DCAF1: variants seen among roughly 807,000 people sequenced by gnomAD.
The protein encoded by DCAF1 is DDB1- and CUL4-associated factor 1.
In DCAF1, 15 loss-of-function variants were observed where a neutral mutation model predicts 128.0. The ratio of observed to expected loss-of-function variants is 0.12; its 90% CI spans 0.08 to 0.18. DCAF1 has a LOEUF of 0.18. Among genes scored for constraint, DCAF1 ranks in the 10% least tolerant of loss-of-function variants. The probability of loss-of-function intolerance (pLI) is 1.00; values close to 1 mark genes in which losing one functional copy is unlikely to be tolerated. For missense variants in DCAF1, 988 were observed against 1,649.5 expected, an observed-to-expected ratio of 0.60 and a Z score of 6.95; for synonymous variants, 610 against 603.0, an observed-to-expected ratio of 1.01 and a Z score of -0.17.
intron 11 of DCAF1, 119 bp downstream of exon 11, chr3:51,429,914 G>T: frequency 1.7e-6 from 1 of 591,934 alleles, no homozygotes; most frequent in Non-Finnish European, 3.0e-6. Flanking sequence ...TTCACAAAAA[G>T]AATGGCAGCA....
At position 51,413,319 on chromosome 3, in the gene DCAF1, G is replaced by C; in HGVS notation, c.3999C>G (p.Ser1333=). 1.2e-6 allele frequency: 2 copies of C among 1,613,624 alleles called. No homozygotes were observed. Among genetic ancestry groups the C allele is most frequent in the Non-Finnish European group, 1.7e-6 (2 of 1,179,754 alleles). Residue 1333 remains serine, a synonymous_variant, in exon 21 of 25, where the codon TCC becomes TCG. Coordinates refer to ENST00000684031, the MANE Select transcript of DCAF1 (RefSeq NM_001387579.1). ...EERMKSPFGS[S]FRTFNATDYK... ...AGTCAGTTGCATTAAATGTTCGGAA[G>C]GATGACCCAAAGGGGCTTTTCATCC...
chr3:51,485,939 T>G (rs1706897764), intron 2 of DCAF1, among the ~76,000 whole-genome samples: 1 of 150,774 alleles, frequency 6.6e-6, no homozygotes, highest in Non-Finnish European at 1.5e-5. Flanking sequence ...GTCGCCAGGC[T>G]GGAGCGCAGT....
At chr3:51,442,695 G>A (rs191956501) in intron 7 of DCAF1, among the ~76,000 whole-genome samples, 23 of 151,182 alleles carry the variant, frequency 1.5e-4, no homozygotes, top group Middle Eastern at 3.4e-3. Context: ...GTGAAACTCC[G>A]TCTCAAAAAA....
At position 51,416,952 on chromosome 3, in the gene DCAF1, CA is replaced by C. The variant is rs1698939341; in HGVS notation, c.3519-82del. The C allele has an allele frequency of 5.9e-6, 9 of 1,534,794 alleles. No individual in the cohort carries two copies. In the Middle Eastern group the frequency reaches 1.5e-3, roughly 260 times the overall value. Reference sequence around the variant, plus strand: ...AACCAACTGAAACACAGGTGACCCCCAGCCTCTTGCACAATCACACTCACCT... The same window carrying C: ...AACCAACTGAAACACAGGTGACCCCCGCCTCTTGCACAATCACACTCACCT... On this transcript the variant is annotated intron_variant, in intron 17 of 24. Transcript: ENST00000684031.
chr3:51,434,616 A>G (rs1700657341), intron 9 of DCAF1, among the ~76,000 whole-genome samples: 1 of 152,234 alleles, frequency 6.6e-6, no homozygotes, highest in African/African-American at 2.4e-5. Context: ...TCAGTGAGTC[A>G]TCAACTAATG....
At chr3:51,490,165 C>T (rs1340274322) in intron 2 of DCAF1, among the ~76,000 whole-genome samples, 3 of 152,084 alleles carry the variant, frequency 2.0e-5, no homozygotes, top group Admixed American at 6.6e-5. Context: ...CTGTTAATCC[C>T]AGAACTTTAG....
At chr3:51,407,982 C>G (rs1553627196) in intron 23 of DCAF1, among the ~76,000 whole-genome samples, 2 of 2,134 alleles carry the variant, frequency 9.4e-4, no homozygotes, top group African/African-American at 1.8e-3. Context: ...GAGACTCCAT[C>G]TCAAAAAAAA....
chr3:51,407,796 T>C (rs1351135432), intron 23 of DCAF1, among the ~76,000 whole-genome samples: 1 of 152,010 alleles, frequency 6.6e-6, no homozygotes, highest in Non-Finnish European at 1.5e-5. Flanking sequence ...GAGATCAGCC[T>C]GGCTAACATG....
At chr3:51,409,601 G>A (rs1028931968) in intron 23 of DCAF1, among the ~76,000 whole-genome samples, 8 of 152,162 alleles carry the variant, frequency 5.3e-5, no homozygotes, top group African/African-American at 1.7e-4. Flanking sequence ...CTGATACTTG[G>A]TAGTGATGAA....
At chr3:51,504,106 C>T (rs1316502096), upstream of DCAF1, among the ~76,000 whole-genome samples, 1 of 150,114 alleles carries the variant, frequency 6.7e-6, no homozygotes, top group African/African-American at 2.5e-5. Context: ...GGCACAATCT[C>T]AGCTCACCGC....
intron 15 of DCAF1, among the ~76,000 whole-genome samples, 198 bp from the exon 16 acceptor site, chr3:51,419,074 G>A (rs1412723777): frequency 6.6e-6 from 1 of 152,066 alleles, no homozygotes; most frequent in Non-Finnish European, 1.5e-5. Flanking sequence ...AAATTCCCAT[G>A]TTTAGGCCAG....
intron 23 of DCAF1, among the ~76,000 whole-genome samples, chr3:51,410,069 C>T (rs1443577052): frequency 6.6e-6 from 1 of 152,220 alleles, no homozygotes; most frequent in Non-Finnish European, 1.5e-5. Flanking sequence ...CCTATAGAGC[C>T]CATATAGCTG....
chr3:51,433,244 G>C lies in DCAF1; in HGVS notation c.1149C>G (p.Leu383=), dbSNP rs1408443157. The change falls in exon 10 of 25, where the codon CTC becomes CTG. Residue 383 remains leucine, a synonymous_variant. Coordinates refer to ENST00000684031, the MANE Select transcript of DCAF1 (RefSeq NM_001387579.1). ...EALKHLASLL[L]HNKFATEFVA... ...CAAATTCTGTGGCAAATTTGTTATG[G>C]AGCAGGAGAGATGCTAGGTGCTAAA... 3 of 398,294 alleles carry C rather than the reference G, an allele frequency of 7.5e-6. No homozygotes were observed. The highest frequency in any genetic ancestry group is 6.2e-5 in the African/African-American group (3 of 48,566). 24.7% of individuals were successfully genotyped at this position (398,294 alleles called of 1,614,324 possible).
chr3:51,448,562 T>G (rs782353729), intron 6 of DCAF1, among the ~76,000 whole-genome samples: 2 of 152,216 alleles, frequency 1.3e-5, no homozygotes, highest in African/African-American at 2.4e-5. Context: ...TAATTTTTGT[T>G]TTTTCATAAA....
chr3:51,472,379 G>T (rs532181595), intron 3 of DCAF1, among the ~76,000 whole-genome samples: 19 of 151,866 alleles, frequency 1.3e-4, no homozygotes, highest in Middle Eastern at 3.4e-3. Context: ...TCCAGAATTT[G>T]TTTTTTTTCT....
At chr3:51,416,148 C>T (rs1447205997) in intron 18 of DCAF1, among the ~76,000 whole-genome samples, 5 of 152,088 alleles carry the variant, frequency 3.3e-5, no homozygotes, top group African/African-American at 1.2e-4. Context: ...TACTCACCCA[C>T]CAGTGTCTTC....
rs782220023 is a variant in DCAF1, at chr3:51,420,162, G to A, written c.2808C>T (p.Pro936=). Residue 936 remains proline (P), a synonymous_variant, in exon 15 of 25, where the codon CCC becomes CCT. Transcript: ENST00000684031. This position sits in a 1 kb window ranked among gnomAD's most constrained non-coding sequence, Gnocchi z 6.5. ...GGCCGGGCAGAGCTAGCGGACCCTGGGGGGGCCGTGGCTGAGGATGAGCAG... is the reference window on the plus strand; with the variant it reads ...GGCCGGGCAGAGCTAGCGGACCCTGAGGGGGCCGTGGCTGAGGATGAGCAG... The part of the protein sequence containing the change: ...APTAHPQPRP[P]QGPLALPGPS... The A allele has an allele frequency of 3.7e-6, 6 of 1,613,866 alleles. No homozygotes were observed. Among genetic ancestry groups the A allele is most frequent in the Non-Finnish European group, 5.1e-6 (6 of 1,179,904 alleles).
Position 51,446,637 on chromosome 3 carries a change from G to T in DCAF1, c.376-2734C>A, listed in dbSNP as rs546942284. Among the ~76,000 whole-genome samples, 83 of 150,820 alleles carry T rather than the reference G, an allele frequency of 5.5e-4. 4 individuals carry two copies. In the South Asian group the frequency reaches 0.017, roughly 31 times the overall value. On this transcript the variant is annotated intron_variant, in intron 6 of 24. Coordinates refer to ENST00000684031, the MANE Select transcript of DCAF1 (RefSeq NM_001387579.1). The stretch of plus-strand genomic sequence containing the variant: ...CAAAGCGAGACCCCATGCCTAAAAA[G>T]AATAAAAATAAAAATAAATTTAAAA...
intron 6 of DCAF1, among the ~76,000 whole-genome samples, chr3:51,449,310 T>A (rs1702147148): frequency 6.6e-6 from 1 of 152,152 alleles, no homozygotes; most frequent in South Asian, 2.1e-4. Context: ...TGAGTTCCAG[T>A]GATTCTCCTG....
Sources: allele counts gnomAD v4.1 joint callset (sites outside exome capture counted in the v4.1 genomes callset), GRCh38; gene constraint gnomAD v4.1.1; non-coding constraint Gnocchi (gnomAD v3.1); transcripts MANE v1.5; gene names NCBI Gene and HGNC (gene_info 2026-07-23, HGNC 2026-07-21).